Variants in GALNT17 observed in about 807,000 individuals in gnomAD.
GALNT17 encodes polypeptide N-acetylgalactosaminyltransferase 17.
GALNT17 carries 29 observed loss-of-function variants against 63.7 expected under a neutral mutation model. That is an observed-to-expected ratio of 0.46 (90% CI 0.34 to 0.62). GALNT17 has a LOEUF of 0.62. GALNT17 is among the 20% of genes least tolerant of loss of function. The probability of loss-of-function intolerance (pLI) is 0.01; values close to 1 mark genes in which losing one functional copy is unlikely to be tolerated. For synonymous variants in GALNT17, 305 were observed against 318.3 expected (o/e 0.96, Z 0.45); for missense variants, 603 against 799.6 (o/e 0.75, Z 2.97).
chr7:71,313,112 T>G (rs987638803), intron 1 of GALNT17, among the ~76,000 whole-genome samples: 1 of 152,146 alleles, frequency 6.6e-6, no homozygotes, highest in Non-Finnish European at 1.5e-5. Context: ...CCCGTATCTT[T>G]AAAAATATAT....
At chr7:71,139,488 ATGGAGAGAAG>A (rs1787846486) in intron 1 of GALNT17, among the ~76,000 whole-genome samples, 1 of 152,188 alleles carries the variant, frequency 6.6e-6, no homozygotes, top group African/African-American at 2.4e-5. Context: ...CTTTGTAGAA[ATGGAGAGAAG>A]TCAAAATTAC....
intron 5 of GALNT17, among the ~76,000 whole-genome samples, chr7:71,515,318 C>A (rs1481716286): frequency 6.6e-6 from 1 of 152,160 alleles, no homozygotes; most frequent in African/African-American, 2.4e-5. Flanking sequence ...GACTGTGCGT[C>A]TGCCAGGAGA....
At chr7:71,358,107 T>G (rs767240948) in intron 2 of GALNT17, among the ~76,000 whole-genome samples, 1 of 152,156 alleles carries the variant, frequency 6.6e-6, no homozygotes, top group Non-Finnish European at 1.5e-5. Context: ...TGCTCACTTT[T>G]TGGGTCGGTG....
chr7:71,637,858 G>A (rs1370480195), intron 6 of GALNT17, among the ~76,000 whole-genome samples: 1 of 152,188 alleles, frequency 6.6e-6, no homozygotes. Flanking sequence ...TGGATCTTGC[G>A]CAAGAAAGAA....
At chr7:71,263,902 C>T (rs531343042) in intron 1 of GALNT17, among the ~76,000 whole-genome samples, 17 of 152,206 alleles carry the variant, frequency 1.1e-4, no homozygotes, top group South Asian at 1.0e-3. Context: ...CCAGCCTGGG[C>T]GATAGAGCGA....
intron 6 of GALNT17, among the ~76,000 whole-genome samples, chr7:71,607,030 GGAGTGTTGGCTCACAC>G (rs1790057657): frequency 6.6e-6 from 1 of 152,184 alleles, no homozygotes; most frequent in Non-Finnish European, 1.5e-5. Context: ...ATTGATACCA[GGAGTGTTGGCTCACAC>G]CTGTAATCCC....
chr7:71,507,238 A>G (rs917111541), intron 5 of GALNT17, among the ~76,000 whole-genome samples: 1 of 152,210 alleles, frequency 6.6e-6, no homozygotes. Context: ...CTGTCTCTAA[A>G]TAAATAAATA....
chr7:71,399,828 G>A, intron 3 of GALNT17, among the ~76,000 whole-genome samples: 1 of 151,976 alleles, frequency 6.6e-6, no homozygotes, highest in African/African-American at 2.4e-5. Flanking sequence ...TGGTGCAGGG[G>A]AAATGGCATT....
intron 2 of GALNT17, among the ~76,000 whole-genome samples, chr7:71,337,556 T>C (rs1791930438): frequency 6.6e-6 from 1 of 152,154 alleles, no homozygotes; most frequent in Admixed American, 6.5e-5. Flanking sequence ...CTTTTTTGCA[T>C]GAGATTCTTG....
intron 1 of GALNT17, among the ~76,000 whole-genome samples, chr7:71,310,282 A>C (rs1791393212): frequency 1.3e-5 from 2 of 152,258 alleles, no homozygotes; most frequent in South Asian, 4.1e-4. Flanking sequence ...TGACTCTGCC[A>C]GGGGCTGAGA....
rs145309320 is a variant in GALNT17, at chr7:71,572,694, A to G, written c.1080+1292A>G. ...TAAGATCTATCCTCTTAGCAAATTAAAAGTCTACAATACCATATCATTAAC... is the reference window on the plus strand; with the variant it reads ...TAAGATCTATCCTCTTAGCAAATTAGAAGTCTACAATACCATATCATTAAC... On this transcript the variant is annotated intron_variant, in intron 6 of 10. Coordinates refer to ENST00000333538, the MANE Select transcript of GALNT17 (RefSeq NM_022479.3). 2.6e-5 allele frequency among the ~76,000 whole-genome samples: 4 copies of G among 152,210 alleles called. No homozygotes were observed. In the East Asian group the frequency reaches 5.8e-4, roughly 22 times the overall value.
intron 6 of GALNT17, among the ~76,000 whole-genome samples, chr7:71,595,388 T>A (rs140920020): frequency 9.7e-4 from 147 of 151,148 alleles, no homozygotes; most frequent in Non-Finnish European, 2.0e-3. Context: ...TATGATGGTG[T>A]CACTGCATTC....
At chr7:71,540,442 A>C (rs139894983) in intron 5 of GALNT17, among the ~76,000 whole-genome samples, 5 of 151,946 alleles carry the variant, frequency 3.3e-5, no homozygotes, top group African/African-American at 1.2e-4. Context: ...TAACAGTTAA[A>C]TGTCATTTCG....
chr7:71,241,463 C>T (rs577670359), intron 1 of GALNT17, among the ~76,000 whole-genome samples: 3 of 152,290 alleles, frequency 2.0e-5, no homozygotes, highest in African/African-American at 4.8e-5. Flanking sequence ...AGATCCTTTC[C>T]TCTAAGGAGA....
chr7:71,185,808 C>G (rs1463895688), intron 1 of GALNT17, among the ~76,000 whole-genome samples: 1 of 152,146 alleles, frequency 6.6e-6, no homozygotes, highest in African/African-American at 2.4e-5. Context: ...CGCCCGGCCC[C>G]CATTCTGTAA....
At position 71,132,552 on chromosome 7, in the gene GALNT17, G is replaced by A; in HGVS notation, c.-251G>A. 2.0e-6 allele frequency: 1 copy of A among 502,580 alleles called. No homozygotes were observed. Among genetic ancestry groups the A allele is most frequent in the Non-Finnish European group, 3.5e-6 (1 of 285,576 alleles). 31.1% of individuals were successfully genotyped at this position (502,580 alleles called of 1,614,324 possible). A position where few individuals can be genotyped will look rare whatever the true frequency, so the allele number is the denominator to read the frequency against. On this transcript the variant is annotated 5_prime_UTR_variant, in exon 1 of 11. Transcript: ENST00000333538. ...ACGCCTGGACGGGGCCGTGCGCCGT[G>A]GACTGAGCAGGCGTCTCGGGGAGCA...
In GALNT17 at chr7:71,614,831, GAAAC is replaced by G. The variant is rs563671897; in HGVS notation, c.1080+43433_1080+43436del. On this transcript the variant is annotated intron_variant, in intron 6 of 10. Coordinates refer to ENST00000333538, the MANE Select transcript of GALNT17 (RefSeq NM_022479.3). ...TAATAGAGAAAGAGAGAGAATGAAA[GAAAC>G]AAAGAGGAGAGAGAAAGAAACAGAA... is the stretch of plus-strand genomic sequence containing the variant. Among the ~76,000 whole-genome samples, 504 of 126,154 alleles carry G rather than the reference GAAAC, an allele frequency of 4.0e-3. 3 individuals carry two copies. Among genetic ancestry groups the G allele is most frequent in the African/African-American group, 0.014 (470 of 33,924 alleles). The allele number at this position is 126,154 out of a possible 152,430, so 82.8% of individuals were successfully genotyped here.
chr7:71,675,421 C>T (rs764158324), intron 8 of GALNT17, among the ~76,000 whole-genome samples: 2 of 152,124 alleles, frequency 1.3e-5, no homozygotes, highest in Admixed American at 1.3e-4. Flanking sequence ...CAAATCATGA[C>T]GTAAAGCAAA....
chr7:71,148,159 G>GGAAT (rs1331028504), intron 1 of GALNT17, among the ~76,000 whole-genome samples: 3 of 152,140 alleles, frequency 2.0e-5, no homozygotes, highest in African/African-American at 7.2e-5. Context: ...GTGTCATTTA[G>GGAAT]GAATTAATTT....
Sources: allele counts gnomAD v4.1 joint callset (sites outside exome capture counted in the v4.1 genomes callset), GRCh38; gene constraint gnomAD v4.1.1; transcripts MANE v1.5; gene names NCBI Gene and HGNC (gene_info 2026-07-23, HGNC 2026-07-21).